The following SHISA6 variants were observed in gnomAD, a reference collection of about 807,000 sequenced individuals.
SHISA6 encodes the protein protein shisa-6.
In SHISA6, 22 loss-of-function variants were observed where a neutral mutation model predicts 47.9. That is an observed-to-expected ratio of 0.46 (90% CI 0.33 to 0.66). The LOEUF (loss-of-function observed/expected upper bound fraction) is 0.66. SHISA6 is among the 30% of genes least tolerant of loss of function. The pLI is 0.02. For synonymous variants in SHISA6, 388 were observed against 337.8 expected, an observed-to-expected ratio of 1.15 and a Z score of -1.63; for missense variants, 680 against 764.6, an observed-to-expected ratio of 0.89 and a Z score of 1.30.
chr17:11,417,864 G>A (rs2142278768), intron 3 of SHISA6, among the ~76,000 whole-genome samples: 1 of 152,288 alleles, frequency 6.6e-6, no homozygotes, highest in South Asian at 2.1e-4. Context: ...ATGCTTAGTC[G>A]ATCTAGGAAA....
At chr17:11,521,483 C>G (rs1225787956) in intron 3 of SHISA6, among the ~76,000 whole-genome samples, 1 of 152,064 alleles carries the variant, frequency 6.6e-6, no homozygotes, top group Non-Finnish European at 1.5e-5. Flanking sequence ...CTATCAAATA[C>G]TAGTGATGAA....
intron 3 of SHISA6, among the ~76,000 whole-genome samples, chr17:11,479,614 A>C (rs1241224840): frequency 6.6e-6 from 1 of 152,092 alleles, no homozygotes; most frequent in East Asian, 1.9e-4. Flanking sequence ...GTACCCCAGA[A>C]CTTAAAGTAA....
At chr17:11,403,864 G>C (rs572230457) in intron 3 of SHISA6, among the ~76,000 whole-genome samples, 250 of 152,316 alleles carry the variant, frequency 1.6e-3, no homozygotes, top group African/African-American at 5.8e-3. Context: ...GTGTTCCTCA[G>C]AGACCTCCTG....
chr17:11,525,657 A>AAAAAC (rs1567629366), intron 3 of SHISA6, among the ~76,000 whole-genome samples: 7 of 130,944 alleles, frequency 5.3e-5, no homozygotes, highest in African/African-American at 1.7e-4. Flanking sequence ...AAAAACAAAA[A>AAAAAC]AAAAAAAACG....
intron 3 of SHISA6, among the ~76,000 whole-genome samples, chr17:11,510,470 G>A (rs1236125636): frequency 6.6e-6 from 1 of 152,196 alleles, no homozygotes; most frequent in Non-Finnish European, 1.5e-5. Context: ...ACCTTGCCAA[G>A]TGATGGGGTT....
chr17:11,345,489 T>C (rs1286421006), intron 2 of SHISA6, among the ~76,000 whole-genome samples: 1 of 152,150 alleles, frequency 6.6e-6, no homozygotes, highest in African/African-American at 2.4e-5. Flanking sequence ...CACATGCATT[T>C]CATATGCAAT....
chr17:11,262,858 G>A (rs1908283497), intron 1 of SHISA6, among the ~76,000 whole-genome samples: 1 of 152,168 alleles, frequency 6.6e-6, no homozygotes, highest in African/African-American at 2.4e-5. Flanking sequence ...TGTCTTTGCA[G>A]CTCAATCACA....
chr17:11,262,304 A>G (rs1385153238), intron 1 of SHISA6, among the ~76,000 whole-genome samples: 3 of 152,132 alleles, frequency 2.0e-5, no homozygotes, highest in Non-Finnish European at 4.4e-5. Flanking sequence ...GCAGGGCCCC[A>G]CCCATCAGAG....
intron 4 of SHISA6, among the ~76,000 whole-genome samples, chr17:11,554,547 G>A (rs568505550): frequency 5.3e-5 from 8 of 152,140 alleles, no homozygotes; most frequent in Non-Finnish European, 1.2e-4. Flanking sequence ...AAGAGGTGTG[G>A]CAGTCCTCCT....
chr17:11,493,567 A>T (rs1567620549), intron 3 of SHISA6, among the ~76,000 whole-genome samples: 1 of 111,334 alleles, frequency 9.0e-6, no homozygotes, highest in Non-Finnish European at 2.1e-5. Context: ...CCATGTGGAT[A>T]CACGCGTGCG....
chr17:11,294,048 G>C (rs1309478632), intron 2 of SHISA6, among the ~76,000 whole-genome samples: 2 of 152,016 alleles, frequency 1.3e-5, no homozygotes, highest in Non-Finnish European at 2.9e-5. Context: ...ACCATGCCCG[G>C]CTAATTTTTG....
chr17:11,331,248 A>G (rs889956820), intron 2 of SHISA6, among the ~76,000 whole-genome samples: 1 of 152,220 alleles, frequency 6.6e-6, no homozygotes, highest in African/African-American at 2.4e-5. Context: ...CTGTAACTGA[A>G]CATAAGACAT....
rs539763694 is a variant in SHISA6 at position 11,515,437 on chromosome 17, C to T, written c.896-36459C>T. 4.0e-5 allele frequency among the ~76,000 whole-genome samples: 6 copies of T among 151,676 alleles called. No homozygotes were observed. In the South Asian group the frequency reaches 1.0e-3, roughly 27 times the overall value. ...CCCTGAATAGAGGAATTTCCTGTCT[C>T]GGGTCGGGTTTCTTAGAAGTTGAGC... is the stretch of plus-strand genomic sequence containing the variant. On this transcript the variant is annotated intron_variant, in intron 3 of 5. Transcript: ENST00000441885.
At chr17:11,541,658 C>T (rs939716206) in intron 3 of SHISA6, among the ~76,000 whole-genome samples, 19 of 151,960 alleles carry the variant, frequency 1.3e-4, no homozygotes, top group African/African-American at 3.4e-4. Context: ...AATCTGGACA[C>T]AGGTATCATT....
chr17:11,364,003 T>A (rs148791159), intron 2 of SHISA6, among the ~76,000 whole-genome samples: 1 of 152,292 alleles, frequency 6.6e-6, no homozygotes, highest in Non-Finnish European at 1.5e-5. Context: ...GCCACCTCAA[T>A]AAAGCTGTTT....
chr17:11,461,027 A>G (rs1011626965), intron 3 of SHISA6, among the ~76,000 whole-genome samples: 2 of 152,206 alleles, frequency 1.3e-5, no homozygotes, highest in Non-Finnish European at 2.9e-5. Flanking sequence ...TGTCTTCCTG[A>G]GGAATTACTA....
chr17:11,450,591 A>G (rs1358427689), intron 3 of SHISA6, among the ~76,000 whole-genome samples: 1 of 152,076 alleles, frequency 6.6e-6, no homozygotes, highest in Admixed American at 6.5e-5. Flanking sequence ...CCCAGGAGAC[A>G]GATGTTGCAG....
intron 3 of SHISA6, among the ~76,000 whole-genome samples, chr17:11,495,615 C>G (rs2071401747): frequency 6.6e-6 from 1 of 152,180 alleles, no homozygotes; most frequent in Admixed American, 6.5e-5. Flanking sequence ...GCCTACCAGT[C>G]CATCCCCTAG....
chr17:11,312,521 T>C (rs1453376212), intron 2 of SHISA6, among the ~76,000 whole-genome samples: 4 of 152,216 alleles, frequency 2.6e-5, no homozygotes, highest in Non-Finnish European at 5.9e-5. Context: ...AAGCAAAATA[T>C]ACCACTCACC....
Sources: allele counts gnomAD v4.1 joint callset (sites outside exome capture counted in the v4.1 genomes callset), GRCh38; gene constraint gnomAD v4.1.1; transcripts MANE v1.5; gene names NCBI Gene and HGNC (gene_info 2026-07-23, HGNC 2026-07-21).